Variants in PDE4D observed in about 807,000 individuals in gnomAD.
PDE4D encodes 3',5'-cyclic-AMP phosphodiesterase 4D.
A neutral mutation model predicts 87.4 loss-of-function variants in PDE4D; 24 were observed. That is an observed-to-expected ratio of 0.27 (90% CI 0.20 to 0.39). PDE4D has a LOEUF of 0.39. PDE4D is among the 10% of genes least tolerant of loss of function. PDE4D has a pLI of 1.00. For synonymous variants in PDE4D, 384 were observed against 383.2 expected (o/e 1.00, Z -0.02); for missense variants, 714 against 1,041.0 (o/e 0.69, Z 4.32).
intron 1 of PDE4D, among the ~76,000 whole-genome samples, chr5:59,734,702 T>A (rs956546505): frequency 2.1e-4 from 32 of 150,080 alleles, no homozygotes; most frequent in African/African-American, 7.6e-4. Context: ...TTAAAAAAAA[T>A]TCTCTTTTCC....
At chr5:59,674,437 T>C (rs953276339) in intron 1 of PDE4D, among the ~76,000 whole-genome samples, 1 of 152,202 alleles carries the variant, frequency 6.6e-6, no homozygotes, top group African/African-American at 2.4e-5. Flanking sequence ...GTTTCTTCAA[T>C]GAACCAATAA....
chr5:60,044,860 A>T (rs1269432472), intron 2 of PDE4D, among the ~76,000 whole-genome samples: 2 of 152,190 alleles, frequency 1.3e-5, no homozygotes, highest in Admixed American at 6.5e-5. Context: ...CATGATTTAT[A>T]GTCCTTTGGG....
chr5:60,079,469 G>A (rs1773696274), intron 2 of PDE4D, among the ~76,000 whole-genome samples: 1 of 152,156 alleles, frequency 6.6e-6, no homozygotes, highest in Non-Finnish European at 1.5e-5. Context: ...GTCCTGAATA[G>A]TATTGCCTAG....
At chr5:59,402,573 G>C (rs933250703) in intron 1 of PDE4D, among the ~76,000 whole-genome samples, 21 of 152,152 alleles carry the variant, frequency 1.4e-4, no homozygotes, top group African/African-American at 5.1e-4. Context: ...CCATTCAAAT[G>C]TTAAAAAATT....
intron 1 of PDE4D, among the ~76,000 whole-genome samples, chr5:59,340,271 C>T (rs910523037): frequency 1.3e-5 from 2 of 152,132 alleles, no homozygotes; most frequent in Non-Finnish European, 2.9e-5. Context: ...CTGTCTAGAT[C>T]AACGCTGTTC....
intron 3 of PDE4D, among the ~76,000 whole-genome samples, chr5:59,924,264 T>C (rs1012150933): frequency 6.6e-6 from 1 of 151,698 alleles, no homozygotes; most frequent in Non-Finnish European, 1.5e-5. Flanking sequence ...AATCTAAGAG[T>C]TATTGGCCCT....
intron 1 of PDE4D, among the ~76,000 whole-genome samples, chr5:60,337,242 A>C (rs1296693589): frequency 1.3e-5 from 2 of 150,270 alleles, no homozygotes; most frequent in Non-Finnish European, 3.0e-5. Context: ...CTGAGGCAGG[A>C]GAATCACTTG....
intron 1 of PDE4D, among the ~76,000 whole-genome samples, chr5:59,277,510 T>G (rs1301256050): frequency 6.6e-6 from 1 of 152,104 alleles, no homozygotes; most frequent in African/African-American, 2.4e-5. Flanking sequence ...GAGGTTTAAT[T>G]TTTTTCTTAT....
At chr5:60,042,879 A>G (rs1186613161) in intron 2 of PDE4D, among the ~76,000 whole-genome samples, 1 of 152,066 alleles carries the variant, frequency 6.6e-6, no homozygotes, top group Non-Finnish European at 1.5e-5. Context: ...CAAAAATCAG[A>G]ATGCCTCTTC....
intron 1 of PDE4D, among the ~76,000 whole-genome samples, chr5:59,237,872 G>A (rs1033209281): frequency 7.2e-5 from 11 of 151,900 alleles, no homozygotes; most frequent in East Asian, 1.9e-4. Context: ...TGTGCACAGA[G>A]TAAGTCCTCA....
At chr5:59,925,688 T>C (rs1253988191) in intron 3 of PDE4D, among the ~76,000 whole-genome samples, 2 of 151,698 alleles carry the variant, frequency 1.3e-5, no homozygotes, top group African/African-American at 2.4e-5. Flanking sequence ...TCCACGTAAA[T>C]GGAAACCAAA....
intron 3 of PDE4D, among the ~76,000 whole-genome samples, chr5:59,187,774 GT>G (rs990814496): frequency 1.1e-4 from 17 of 150,976 alleles, no homozygotes; most frequent in African/African-American, 3.9e-4. Flanking sequence ...GTGTGTGTGG[GT>G]TTTTTTTTCT....
At chr5:59,000,585 C>T (rs1012951300) in intron 6 of PDE4D, among the ~76,000 whole-genome samples, 4 of 152,052 alleles carry the variant, frequency 2.6e-5, no homozygotes, top group African/African-American at 9.7e-5. Flanking sequence ...GGACCACTTG[C>T]AATTCTGGGG....
Position 59,396,787 on chromosome 5 carries a change from C to T in PDE4D, c.456-180819G>A, listed in dbSNP as rs1451155471. Among the ~76,000 whole-genome samples the T allele has an allele frequency of 2.5e-5, 3 of 118,036 alleles. 1 individual carries two copies. Among genetic ancestry groups the T allele is most frequent in the African/African-American group, 1.0e-4 (3 of 28,966 alleles). 77.4% of individuals were successfully genotyped at this position (118,036 alleles called of 152,430 possible). ...GCTCCAATTAAAAGACACAGACTGG[C>T]AAATTGGATAAAGAGTCAACACCCA... is the stretch of plus-strand genomic sequence containing the variant. On this transcript the variant is annotated intron_variant, in intron 1 of 14. Coordinates refer to ENST00000340635, the MANE Select transcript of PDE4D (RefSeq NM_001104631.2).
chr5:60,419,176 G>A (rs1321377691), intron 1 of PDE4D, among the ~76,000 whole-genome samples: 1 of 151,978 alleles, frequency 6.6e-6, no homozygotes, highest in Non-Finnish European at 1.5e-5. Flanking sequence ...TATACCAAAT[G>A]GTTTACCCAA....
chr5:59,712,414 A>G (rs1484782832), intron 1 of PDE4D, among the ~76,000 whole-genome samples: 1 of 145,360 alleles, frequency 6.9e-6, no homozygotes, highest in Non-Finnish European at 1.5e-5. Flanking sequence ...ATATATATAT[A>G]TATATATATA....
At chr5:59,664,760 A>G (rs1315072277) in intron 1 of PDE4D, among the ~76,000 whole-genome samples, 1 of 152,222 alleles carries the variant, frequency 6.6e-6, no homozygotes, top group Non-Finnish European at 1.5e-5. Flanking sequence ...TAGTATCTGC[A>G]AATAAGGTTG....
In PDE4D at chr5:60,311,264, C is replaced by T. The variant is rs540404774; in HGVS notation, c.-89-125577G>A. On this transcript the variant is annotated intron_variant, in intron 1 of 16. Transcript: ENST00000502484. ...CTCGAACTCCCAACCTCAGGTGATC[C>T]GCCCGCCTTGGCCTCCCAAAGTGCT... Among the ~76,000 whole-genome samples the T allele has an allele frequency of 4.0e-4, 61 of 152,270 alleles. 2 individuals are homozygous for T. In the South Asian group the frequency reaches 0.01, roughly 25 times the overall value.
Position 59,817,174 on chromosome 5 carries a change from C to T in PDE4D, c.455+75994G>A, listed in dbSNP as rs183639300. ...CCCAGCTGACGGAAACGTGAATGTG[C>T]TCAGTAGCTAAAGGTGGCTCAGGAA... On this transcript the variant is annotated intron_variant, in intron 1 of 14. Transcript: ENST00000340635. Among the ~76,000 whole-genome samples the T allele has an allele frequency of 1.1e-3, 172 of 152,314 alleles. 2 individuals are homozygous for T. Among genetic ancestry groups the T allele is most frequent in the Non-Finnish European group, 5.3e-4 (36 of 68,040 alleles).
Sources: allele counts gnomAD v4.1 joint callset (sites outside exome capture counted in the v4.1 genomes callset), GRCh38; gene constraint gnomAD v4.1.1; transcripts MANE v1.5; gene names NCBI Gene and HGNC (gene_info 2026-07-23, HGNC 2026-07-21).